Variants in WNK2 observed in about 807,000 individuals in gnomAD.
WNK2 encodes the protein serine/threonine-protein kinase WNK2.
A neutral mutation model predicts 192.1 loss-of-function variants in WNK2; 67 were observed. The observed-to-expected ratio is 0.35, with a 90% CI of 0.29 to 0.43. WNK2 has a LOEUF of 0.43. WNK2 is among the 20% of genes least tolerant of loss of function. The probability of loss-of-function intolerance (pLI) is 1.00; values close to 1 mark genes in which losing one functional copy is unlikely to be tolerated. For missense variants in WNK2, 2,698 were observed against 3,089.7 expected, an observed-to-expected ratio of 0.87 and a Z score of 3.01; for synonymous variants, 1,439 against 1,393.9, an observed-to-expected ratio of 1.03 and a Z score of -0.72.
At chr9:93,258,797 C>G in intron 11 of WNK2, 134 bp from the exon 12 acceptor site, 1 of 745,488 alleles carries the variant, frequency 1.3e-6, no homozygotes. Flanking sequence ...AAAGGTGTCT[C>G]GGAGGGAAAG....
Position 93,229,975 on chromosome 9 carries a change from T to A in WNK2, c.854+107T>A. On this transcript the variant is annotated intron_variant, in intron 3 of 29. Transcript: ENST00000427277. This position sits in a 1 kb window ranked among gnomAD's most constrained non-coding sequence, Gnocchi z 4.9. ...CTGGGGTGGTCCTGGCTGGTGCCTG[T>A]GGGAGGCTGTCTCCTCTTTCCTCTC... is the stretch of plus-strand genomic sequence containing the variant. 7.2e-7 allele frequency: 1 copy of A among 1,386,062 alleles called. No homozygotes were observed. Among genetic ancestry groups the A allele is most frequent in the Non-Finnish European group, 9.7e-7 (1 of 1,034,054 alleles). The allele number at this position is 1,386,062 out of a possible 1,614,324, so 85.9% of individuals were successfully genotyped here.
At chr9:93,189,724 G>A (rs1035088820) in intron 2 of WNK2, among the ~76,000 whole-genome samples, 2 of 152,248 alleles carry the variant, frequency 1.3e-5, no homozygotes, top group African/African-American at 4.8e-5. Flanking sequence ...CCGTCATCCC[G>A]TGCAGGTGGG....
chr9:93,230,840 C>T (rs1838668963), intron 3 of WNK2, 48 bp from the exon 4 acceptor site: 1 of 1,555,524 alleles, frequency 6.4e-7, no homozygotes, highest in Non-Finnish European at 8.7e-7. Flanking sequence ...TGCTAGGGGG[C>T]CGCTGCCGGC....
chr9:93,295,321 C>G (rs1186646302), intron 23 of WNK2, among the ~76,000 whole-genome samples: 2 of 152,182 alleles, frequency 1.3e-5, no homozygotes, highest in African/African-American at 2.4e-5. Context: ...GCAGTCAGCA[C>G]TCTCTTGAAA....
At position 93,267,866 on chromosome 9, in the gene WNK2, C is replaced by T. The variant is rs1403573896; in HGVS notation, c.3817C>T (p.Pro1273Ser). The T allele has an allele frequency of 6.2e-7, 1 of 1,610,732 alleles. No individual in the cohort carries two copies. The highest frequency in any genetic ancestry group is 8.5e-7 in the Non-Finnish European group (1 of 1,178,860). ...EDTDADRGSD[P>S]GTSPPHLSTC... ...CACAGACGCCGACCGTGGCTCCGAC[C>T]CAGGGACCAGCCCGCCACACCTCAG... Residue 1273 changes from proline to serine, a missense_variant, in exon 17 of 30, where the codon CCA becomes TCA. Pro to Ser is a moderately conservative substitution (Grantham distance 74). Transcript: ENST00000427277.
rs570672373 is a variant in WNK2 at position 93,206,494 on chromosome 9, A to C, written c.681+20884A>C. Among the ~76,000 whole-genome samples the C allele has an allele frequency of 3.7e-3, 557 of 150,982 alleles. 3 individuals carry two copies. The highest frequency in any genetic ancestry group is 0.013 in the African/African-American group (540 of 41,096). Reference sequence around the variant, plus strand: ...GTGGCTTGCCCCACCTTAGCCCTGGATGCACCGGGGAGTTCTGACTGGGGG... The same window carrying C: ...GTGGCTTGCCCCACCTTAGCCCTGGCTGCACCGGGGAGTTCTGACTGGGGG... On this transcript the variant is annotated intron_variant, in intron 2 of 29. Transcript: ENST00000427277.
intron 28 of WNK2, among the ~76,000 whole-genome samples, chr9:93,311,497 C>T (rs1233781836): frequency 3.9e-5 from 6 of 152,114 alleles, no homozygotes; most frequent in East Asian, 1.9e-4. Flanking sequence ...GATAGTTTTT[C>T]GAGGAACTAT....
intron 19 of WNK2, 60 bp downstream of exon 19, chr9:93,268,806 T>G: frequency 6.3e-7 from 1 of 1,584,694 alleles, no homozygotes; most frequent in Non-Finnish European, 8.6e-7. Context: ...CCTCCTTCTG[T>G]GCATGACCCA....
chr9:93,277,732 A>G (rs1429628509), intron 19 of WNK2, among the ~76,000 whole-genome samples: 1 of 152,182 alleles, frequency 6.6e-6, no homozygotes, highest in African/African-American at 2.4e-5. Context: ...GGGGTGATGG[A>G]ATTGTTTTCT....
At chr9:93,198,753 CA>C (rs1831765549) in intron 2 of WNK2, among the ~76,000 whole-genome samples, 2 of 152,224 alleles carry the variant, frequency 1.3e-5, no homozygotes, top group Admixed American at 6.5e-5. Context: ...CTGATATGTG[CA>C]GTGACAGTGA....
At chr9:93,306,738 T>C in intron 26 of WNK2, 39 bp from the exon 27 acceptor site, 1 of 1,613,886 alleles carries the variant, frequency 6.2e-7, no homozygotes, top group Non-Finnish European at 8.5e-7. Context: ...CTGTTCTGCC[T>C]AACCCTGTGG....
intron 2 of WNK2, among the ~76,000 whole-genome samples, chr9:93,223,144 G>A (rs1176407674): frequency 2.0e-5 from 3 of 152,242 alleles, no homozygotes; most frequent in Non-Finnish European, 4.4e-5. Context: ...GGCAGCAGGT[G>A]GAAGAGCTCT....
chr9:93,211,998 C>T (rs764297442), intron 2 of WNK2, among the ~76,000 whole-genome samples: 8 of 152,046 alleles, frequency 5.3e-5, no homozygotes, highest in South Asian at 4.1e-4. Context: ...GCCCCATTCA[C>T]GCACTCATTC....
intron 6 of WNK2, among the ~76,000 whole-genome samples, chr9:93,238,608 C>A (rs1260689175): frequency 6.6e-6 from 1 of 152,230 alleles, no homozygotes; most frequent in Non-Finnish European, 1.5e-5. Context: ...CTGTCCTTGG[C>A]TGACTGCTCC....
chr9:93,307,025 G>T (rs1471731689), intron 27 of WNK2: 1 of 637,740 alleles, frequency 1.6e-6, no homozygotes, highest in South Asian at 1.8e-5. Flanking sequence ...GTCTCGTGGC[G>T]CCTAGAGTTT....
chr9:93,216,265 T>A (rs1030153826), intron 2 of WNK2, among the ~76,000 whole-genome samples: 1 of 152,200 alleles, frequency 6.6e-6, no homozygotes, highest in African/African-American at 2.4e-5. Context: ...CTCCAAGGCA[T>A]TCCTGTCCTA....
At chr9:93,230,534 C>G (rs533010491) in intron 3 of WNK2, among the ~76,000 whole-genome samples, 57 of 152,322 alleles carry the variant, frequency 3.7e-4, no homozygotes, top group Non-Finnish European at 6.5e-4. Flanking sequence ...ACCCTCACCC[C>G]CTCACCTGAG....
intron 3 of WNK2, among the ~76,000 whole-genome samples, chr9:93,230,511 C>G (rs1838586982): frequency 6.6e-6 from 1 of 152,208 alleles, no homozygotes; most frequent in Non-Finnish European, 1.5e-5. Flanking sequence ...CTCACAGGCC[C>G]TGGCCTTTCG....
In WNK2 at chr9:93,288,280, TG is replaced by T. The variant is rs1374223106; in HGVS notation, c.4034-503del. On this transcript the variant is annotated intron_variant, in intron 19 of 29. Coordinates refer to ENST00000427277, the MANE Select transcript of WNK2 (RefSeq NM_006648.4). ...CTGCGCTTCTGACCATACCAAAGAC[TG>T]GGGGTCTGAAGGCTTCAGGCTCCTG... Among the ~76,000 whole-genome samples, 3 of 152,286 alleles carry T rather than the reference TG, an allele frequency of 2.0e-5. No individual in the cohort carries two copies. The East Asian group carries it at 5.8e-4, about 29-fold the overall frequency.
Sources: gnomAD v4.1 joint callset for allele counts (sites outside exome capture counted in the v4.1 genomes callset) on GRCh38, gnomAD v4.1.1 for gene constraint, Gnocchi (gnomAD v3.1) non-coding constraint, MANE v1.5 for transcripts, NCBI Gene and HGNC (gene_info 2026-07-23, HGNC 2026-07-21) for gene names.